Variants in PAN2 observed in about 807,000 individuals in gnomAD.
The protein encoded by PAN2 is PAN2-PAN3 deadenylation complex catalytic subunit PAN2.
Under a neutral mutation model 133.3 loss-of-function variants are expected in PAN2, and 68 were observed. The observed-to-expected ratio is 0.51, with a 90% CI of 0.42 to 0.62. The LOEUF (loss-of-function observed/expected upper bound fraction) is 0.62. Among genes scored for constraint, PAN2 ranks in the 20% least tolerant of loss-of-function variants. The pLI, the probability that PAN2 is intolerant of heterozygous loss-of-function variation, is 0.00. For missense variants in PAN2, 1,042 were observed against 1,500.5 expected (o/e 0.69, Z 5.05); for synonymous variants, 462 against 544.6 (o/e 0.85, Z 2.11).
At chr12:56,326,212 T>C in intron 8 of PAN2, 101 bp downstream of exon 8, 2 of 1,133,970 alleles carry the variant, frequency 1.8e-6, no homozygotes, top group Non-Finnish European at 1.2e-6. Context: ...TTTGGTTGGT[T>C]ACCAACAGGA....
chr12:56,325,291 G>A (rs1169689682), intron 9 of PAN2, 44 bp downstream of exon 9: 1 of 1,610,944 alleles, frequency 6.2e-7, no homozygotes, highest in East Asian at 2.2e-5. Context: ...TCCTTCCCAG[G>A]GTACCTTTCC....
intron 24 of PAN2, among the ~76,000 whole-genome samples, chr12:56,318,752 G>T (rs1205289013): frequency 6.6e-6 from 1 of 151,734 alleles, no homozygotes; most frequent in East Asian, 1.9e-4. Context: ...TTGTTACATG[G>T]GTGTATCGTG....
intron 4 of PAN2, 36 bp downstream of exon 4, chr12:56,328,202 G>A (rs1565636782): frequency 6.3e-7 from 1 of 1,591,578 alleles, no homozygotes; most frequent in Non-Finnish European, 8.6e-7. Context: ...AACAACCTCA[G>A]ACCCCACATA....
chr12:56,319,862 A>G lies in PAN2; in HGVS notation c.2946+2T>C. ...ATGCCCCATCCCTTTGGTCTTGGTT[A>G]CCTCATTAAGGGTGACAAACTCAGC... On this transcript the variant is annotated splice_donor_variant, in intron 21 of 25. Transcript: ENST00000440411. LOFTEE classifies it high-confidence loss of function. The surrounding 1 kb of genome is among the most constrained non-coding windows in gnomAD (Gnocchi z 5.4). The G allele has an allele frequency of 1.2e-6, 2 of 1,614,156 alleles. No homozygotes were observed. Among genetic ancestry groups the G allele is most frequent in the Non-Finnish European group, 8.5e-7 (1 of 1,180,022 alleles).
chr12:56,320,583 G>A (rs1318496321), intron 20 of PAN2, among the ~76,000 whole-genome samples: 4 of 151,864 alleles, frequency 2.6e-5, no homozygotes, highest in Non-Finnish European at 2.9e-5. Context: ...GGCAGAGGTC[G>A]CAGTGAGCTG....
chr12:56,332,969 C>T lies in PAN2; in HGVS notation c.126G>A (p.Glu42=). 1.9e-6 allele frequency: 3 copies of T among 1,614,232 alleles called. No individual in the cohort carries two copies. Among genetic ancestry groups the T allele is most frequent in the Non-Finnish European group, 2.5e-6 (3 of 1,180,048 alleles). Residue 42 remains glutamate (E), a synonymous_variant, in exon 2 of 26, where the codon GAG becomes GAA. Transcript: ENST00000440411. ...CGGGAAGAGCCTCCAAGGCCACTCCCTCTGGGTCCAGCTCCACATTCTGTA... is the reference window on the plus strand; with the variant it reads ...CGGGAAGAGCCTCCAAGGCCACTCCTTCTGGGTCCAGCTCCACATTCTGTA... ...SLLQNVELDP[E]GVALEALPVQ...
intron 7 of PAN2, 22 bp from the exon 8 acceptor site, chr12:56,326,431 G>C: frequency 6.4e-7 from 1 of 1,565,378 alleles, no homozygotes; most frequent in Non-Finnish European, 8.7e-7. Flanking sequence ...CATAGTTCTA[G>C]GACTTAAAGA....
intron 5 of PAN2, 86 bp from the exon 6 acceptor site, chr12:56,327,717 AAGGAACT>A: frequency 6.8e-7 from 1 of 1,464,748 alleles, no homozygotes. Flanking sequence ...GTCCCTACCA[AAGGAACT>A]AGGGCTTTAG....
rs758389894 is a variant in PAN2 at position 56,319,461 on chromosome 12, C to T, written c.3117G>A (p.Ser1039=). The T allele has an allele frequency of 9.3e-6, 15 of 1,613,620 alleles. No homozygotes were observed. Among genetic ancestry groups the T allele is most frequent in the African/African-American group, 1.3e-5 (1 of 74,880 alleles). The part of the protein sequence containing the change: ...EQVVDYLTQY[S]GIKPGDLDAK... ...CATCGAGGTCACCAGGCTTTATACC[C>T]GAGTATTGAGTCAAGTAATCCACCA... Residue 1039 remains serine, a synonymous_variant, in exon 23 of 26, where the codon TCG becomes TCA. Coordinates refer to ENST00000440411, the MANE Select transcript of PAN2 (RefSeq NM_014871.6). This position sits in a 1 kb window ranked among gnomAD's most constrained non-coding sequence, Gnocchi z 5.4.
Position 56,319,732 on chromosome 12 carries a change from C to T in PAN2, c.2979G>A (p.Lys993=), listed in dbSNP as rs201414011. The T allele has an allele frequency of 5.6e-6, 9 of 1,613,644 alleles. No homozygotes were observed. The highest frequency in any genetic ancestry group is 7.6e-6 in the Non-Finnish European group (9 of 1,179,804). The change falls in exon 22 of 26, where the codon AAG becomes AAA. Residue 993 remains lysine, a synonymous_variant. Transcript: ENST00000440411. This position sits in a 1 kb window ranked among gnomAD's most constrained non-coding sequence, Gnocchi z 5.4. ...EEAELRSDGT[K]STIKPSQMSV... Reference sequence around the variant, plus strand: ...ACATCTGGCTTGGTTTAATGGTAGACTTGGTACCATCACTGCGTAACTCTG... The same window carrying T: ...ACATCTGGCTTGGTTTAATGGTAGATTTGGTACCATCACTGCGTAACTCTG...
At chr12:56,326,477 A>G (rs778195121) in intron 7 of PAN2, 68 bp from the exon 8 acceptor site, 88 of 1,523,272 alleles carry the variant, frequency 5.8e-5, no homozygotes, top group Non-Finnish European at 7.4e-5. Context: ...CCAATCCCCA[A>G]GGGTCCAGAG....
Position 56,325,122 on chromosome 12 carries a change from T to TG in PAN2, c.1485dup (p.Ile496HisfsTer12). The TG allele has an allele frequency of 6.2e-7, 1 of 1,613,938 alleles. No homozygotes were observed. The highest frequency in any genetic ancestry group is 8.5e-7 in the Non-Finnish European group (1 of 1,179,892). On this transcript the variant is annotated frameshift_variant, in exon 10 of 26. Transcript: ENST00000440411. LOFTEE classifies it high-confidence loss of function. ...TCCAGCCCTAGCTTGGAATATTTGA[T>TG]GGTCACCTAAGGTAGAAATTGTCTG...
chr12:56,327,908 C>T, intron 5 of PAN2, 87 bp downstream of exon 5: 10 of 1,580,986 alleles, frequency 6.3e-6, no homozygotes, highest in South Asian at 5.8e-5. Context: ...AATCCAACTA[C>T]ACCCCAGAGT....
At chr12:56,322,290 G>T in intron 19 of PAN2, 122 bp from the exon 20 acceptor site, 1 of 1,038,950 alleles carries the variant, frequency 9.6e-7, no homozygotes, top group Non-Finnish European at 1.5e-6. Context: ...ATTTTTAAGT[G>T]CTAATGGTTT....
Position 56,333,050 on chromosome 12 carries a change from T to G in PAN2, c.45A>C (p.Pro15=). The change falls in exon 2 of 26, where the codon CCA becomes CCC. Residue 15 remains proline, a synonymous_variant. Transcript: ENST00000440411. ...CAGGGTCCAGGGCAGAATGCATGGC[T>G]GGGGCATATTCTGCCAGTCCAGGGT... ...GLDPGLAEYA[P]AMHSALDPVL... 6.2e-7 allele frequency: 1 copy of G among 1,614,156 alleles called. No individual in the cohort carries two copies. Among genetic ancestry groups the G allele is most frequent in the South Asian group, 1.1e-5 (1 of 91,086 alleles).
Position 56,320,085 on chromosome 12 carries a change from A to G in PAN2, c.2789-64T>C, listed in dbSNP as rs1874311527. On this transcript the variant is annotated intron_variant, in intron 20 of 25. Transcript: ENST00000440411. The stretch of plus-strand genomic sequence containing the variant: ...GGAAGTGACTAGGGGAGAGAAGCCC[A>G]GTGTGGCTGATCATCGACTCTGGGT... The G allele has an allele frequency of 2.7e-6, 4 of 1,496,924 alleles. No individual in the cohort carries two copies. In the East Asian group the frequency reaches 6.8e-5, roughly 25 times the overall value. The allele number at this position is 1,496,924 out of a possible 1,614,324, so 92.7% of individuals were successfully genotyped here. A position where few individuals can be genotyped will look rare whatever the true frequency, so the allele number is the denominator to read the frequency against.
chr12:56,322,235 G>A (rs746615330), intron 19 of PAN2, 67 bp from the exon 20 acceptor site: 8 of 1,162,820 alleles, frequency 6.9e-6, no homozygotes, highest in African/African-American at 1.5e-5. Context: ...CACTTCAGAC[G>A]GAGGCCAGGA....
Position 56,323,348 on chromosome 12 carries a change from C to T in PAN2, c.2308G>A (p.Glu770Lys), listed in dbSNP as rs778086774. 3.7e-6 allele frequency: 6 copies of T among 1,613,854 alleles called. No individual in the cohort carries two copies. The South Asian group carries it at 5.5e-5, about 15-fold the overall frequency. Reference sequence around the variant, plus strand: ...GCAAATTCCTTGTTCTTGGAGATTTCCCCACCGTGTTTCTTTACTGCCATC... The same window carrying T: ...GCAAATTCCTTGTTCTTGGAGATTTTCCCACCGTGTTTCTTTACTGCCATC... ...FKMAVKKHGG[E>K]ISKNKEFALA... The change falls in exon 16 of 26, where the codon GAA (glutamate) becomes AAA (lysine). Residue 770 changes from glutamate (E) to lysine (K), a missense_variant. Glu to Lys is a moderately conservative substitution (Grantham distance 56, BLOSUM62 1). Around this residue, in one of 3 missense-constraint regions of PAN2, gnomAD observed 908 missense variants for 1,223.5 expected, o/e 0.74. Transcript: ENST00000440411.
At chr12:56,324,526 G>A (rs773345730) in intron 11 of PAN2, 33 bp from the exon 12 acceptor site, 1 of 1,612,308 alleles carries the variant, frequency 6.2e-7, no homozygotes, top group South Asian at 1.1e-5. Context: ...GGGTTATTTT[G>A]TCTTTTGTGT....
Sources: gnomAD v4.1 joint callset for allele counts (sites outside exome capture counted in the v4.1 genomes callset) on GRCh38, gnomAD v4.1.1 for gene constraint, gnomAD v4.1.1 regional missense constraint, Gnocchi (gnomAD v3.1) non-coding constraint, MANE v1.5 for transcripts, NCBI Gene and HGNC (gene_info 2026-07-23, HGNC 2026-07-21) for gene names.